The following TNRC6C variants were observed in gnomAD, a reference collection of about 807,000 sequenced individuals.
TNRC6C encodes the protein trinucleotide repeat-containing gene 6C protein.
TNRC6C carries 20 observed loss-of-function variants against 153.7 expected under a neutral mutation model. The ratio of observed to expected loss-of-function variants is 0.13; its 90% CI spans 0.09 to 0.19. The LOEUF is 0.19. TNRC6C is among the 10% of genes least tolerant of loss of function. The pLI is 1.00. For synonymous variants in TNRC6C, 811 were observed against 841.4 expected (o/e 0.96, Z 0.63); for missense variants, 1,987 against 2,172.0 (o/e 0.91, Z 1.69).
intron 14 of TNRC6C, among the ~76,000 whole-genome samples, chr17:78,091,851 G>T (rs2073399857): frequency 6.6e-6 from 1 of 152,142 alleles, no homozygotes. Context: ...GAGCAGCAAA[G>T]AATCTAGGTC....
At chr17:78,028,700 A>T (rs1260082195) in intron 1 of TNRC6C, among the ~76,000 whole-genome samples, 1 of 152,166 alleles carries the variant, frequency 6.6e-6, no homozygotes, top group African/African-American at 2.4e-5. Context: ...ACCACCCCCC[A>T]ATGTTGACTT....
chr17:77,985,321 G>T (rs911669144), intron 1 of TNRC6C, among the ~76,000 whole-genome samples: 2 of 152,004 alleles, frequency 1.3e-5, no homozygotes, highest in South Asian at 2.1e-4. Flanking sequence ...GAGGCTGGGC[G>T]CAGTGGCTCA....
At chr17:77,960,107 T>G (rs141223208) in intron 1 of TNRC6C, among the ~76,000 whole-genome samples, 1 of 152,284 alleles carries the variant, frequency 6.6e-6, no homozygotes, top group African/African-American at 2.4e-5. Flanking sequence ...CCTATTGCAT[T>G]CGAAGGCATT....
rs373862985 is a variant in TNRC6C at position 78,079,478 on chromosome 17, G to A, written c.3294G>A (p.Val1098=). The A allele has an allele frequency of 1.9e-6, 3 of 1,613,912 alleles. No individual in the cohort carries two copies. The highest frequency in any genetic ancestry group is 1.7e-6 in the Non-Finnish European group (2 of 1,179,882). The change falls in exon 10 of 20, where the codon GTG becomes GTA. Residue 1098 remains valine, a synonymous_variant. Coordinates refer to ENST00000301624, the Ensembl canonical transcript of TNRC6C. This position sits in a 1 kb window ranked among gnomAD's most constrained non-coding sequence, Gnocchi z 4.3. Reference sequence around the variant, plus strand: ...TGCAGCAGCCGCCACAGCCACCAGTGCAGCCTCTTAACTCTTCCCAGCCCA... The same window carrying A: ...TGCAGCAGCCGCCACAGCCACCAGTACAGCCTCTTAACTCTTCCCAGCCCA...
At chr17:78,041,139 C>T (rs2072285421) in intron 2 of TNRC6C, 1 of 152,296 alleles carries the variant, frequency 6.6e-6, no homozygotes, top group African/African-American at 2.4e-5. Flanking sequence ...CCCGTCAGCC[C>T]CTCGTAGAGC....
At chr17:77,979,573 A>T (rs1049017083) in intron 1 of TNRC6C, among the ~76,000 whole-genome samples, 1 of 152,164 alleles carries the variant, frequency 6.6e-6, no homozygotes, top group Non-Finnish European at 1.5e-5. Flanking sequence ...AAAAAGAAAA[A>T]TATGTAAGAG....
intron 1 of TNRC6C, among the ~76,000 whole-genome samples, chr17:78,009,818 G>T (rs540185509): frequency 6.6e-6 from 1 of 152,260 alleles, no homozygotes; most frequent in South Asian, 2.1e-4. Flanking sequence ...CTCCCAAAGT[G>T]CTGGGATTAC....
chr17:78,051,702 G>C (rs1365821018), intron 3 of TNRC6C, among the ~76,000 whole-genome samples: 1 of 152,150 alleles, frequency 6.6e-6, no homozygotes, highest in Non-Finnish European at 1.5e-5. Context: ...GAATGTTTTG[G>C]TGGTGGCGGT....
intron 11 of TNRC6C, among the ~76,000 whole-genome samples, chr17:78,084,482 G>A (rs988059211): frequency 6.6e-6 from 1 of 152,122 alleles, no homozygotes; most frequent in African/African-American, 2.4e-5. Flanking sequence ...AGCAGCAGGG[G>A]AGGATAGAAG....
intron 11 of TNRC6C, among the ~76,000 whole-genome samples, chr17:78,084,291 A>G (rs952792520): frequency 9.9e-5 from 15 of 151,906 alleles, no homozygotes; most frequent in African/African-American, 2.4e-4. Context: ...AGAAAAAAAA[A>G]AAAGAAAATC....
intron 1 of TNRC6C, among the ~76,000 whole-genome samples, chr17:78,030,020 T>C (rs1188421881): frequency 6.6e-6 from 1 of 152,202 alleles, no homozygotes; most frequent in Non-Finnish European, 1.5e-5. Context: ...TGGCTTTTTT[T>C]TATGTAGAAG....
intron 1 of TNRC6C, among the ~76,000 whole-genome samples, chr17:77,974,487 G>A (rs889353041): frequency 3.7e-5 from 5 of 136,738 alleles, no homozygotes; most frequent in South Asian, 2.6e-4. Context: ...CCCCCGCCCC[G>A]CCCCAAAAAA....
intron 1 of TNRC6C, among the ~76,000 whole-genome samples, chr17:77,998,638 T>G (rs1339185175): frequency 1.3e-5 from 2 of 152,242 alleles, no homozygotes; most frequent in African/African-American, 4.8e-5. Context: ...TTCAGATGGT[T>G]TAGTTTTTTA....
At chr17:78,005,042 C>CT (rs751925601), upstream of TNRC6C, 59,814 of 731,202 alleles carry the variant, frequency 0.082, 1 homozygote, top group Middle Eastern at 0.1. Context: ...CTTTCTCTCT[C>CT]TTTTTTTTTT....
intron 1 of TNRC6C, among the ~76,000 whole-genome samples, chr17:78,007,987 C>A (rs927748494): frequency 2.6e-5 from 4 of 152,156 alleles, no homozygotes; most frequent in African/African-American, 9.7e-5. Context: ...TTTCAAGGAA[C>A]TTTTTAGAAT....
chr17:78,002,497 C>T (rs926770000), upstream of TNRC6C, among the ~76,000 whole-genome samples: 2 of 152,206 alleles, frequency 1.3e-5, no homozygotes, highest in African/African-American at 4.8e-5. Context: ...ATACTTGTTG[C>T]TGTTGTAATA....
At chr17:78,034,796 C>T (rs893935149) in intron 2 of TNRC6C, among the ~76,000 whole-genome samples, 1 of 152,018 alleles carries the variant, frequency 6.6e-6, no homozygotes, top group Non-Finnish European at 1.5e-5. Flanking sequence ...CAGCAAAACC[C>T]CCTTTCTGCA....
exon 3 of TNRC6C, chr17:78,051,412 G>A (rs972721655): frequency 5.2e-6 from 8 of 1,546,410 alleles, no homozygotes; most frequent in African/African-American, 4.1e-5. Context: ...GCACCAGGCC[G>A]GTACTCAGCT....
chr17:78,080,741 A>G (rs2073165561), intron 10 of TNRC6C, among the ~76,000 whole-genome samples: 1 of 152,130 alleles, frequency 6.6e-6, no homozygotes, highest in Non-Finnish European at 1.5e-5. Flanking sequence ...CTGCCCTGAG[A>G]GAGCAGCAGC....
Sources: allele counts gnomAD v4.1 joint callset (sites outside exome capture counted in the v4.1 genomes callset), GRCh38; gene constraint gnomAD v4.1.1; non-coding constraint Gnocchi (gnomAD v3.1); transcripts MANE v1.5; gene names NCBI Gene and HGNC (gene_info 2026-07-23, HGNC 2026-07-21).